DACH2: variants seen among roughly 807,000 people sequenced by gnomAD.
DACH2 encodes the protein dachshund family transcription factor 2, also known as dachshund homolog 2.
A neutral mutation model predicts 35.8 loss-of-function variants in DACH2; 17 were observed. That is an observed-to-expected ratio of 0.48 (90% CI 0.33 to 0.71). The LOEUF is 0.71. Ranked by LOEUF, DACH2 falls within the 30% of genes least tolerant of loss-of-function variation. DACH2 has a pLI of 0.02. For missense variants in DACH2, 469 were observed against 472.7 expected (o/e 0.99, Z 0.07); for synonymous variants, 195 against 177.3 (o/e 1.10, Z -0.79).
chrX:86,715,604 C>T (rs751467906), intron 6 of DACH2, among the ~76,000 whole-genome samples: 36 of 111,676 alleles, frequency 3.2e-4, no homozygotes, highest in African/African-American at 1.0e-3. Flanking sequence ...TTAATAATTA[C>T]ATGCCAGGTT....
chrX:86,313,996 T>C (rs2034849430), intron 1 of DACH2, among the ~76,000 whole-genome samples: 1 of 111,575 alleles, frequency 9.0e-6, no homozygotes, highest in Non-Finnish European at 1.9e-5. Context: ...TCCTCTGTAA[T>C]TGATTTGGAG....
chrX:86,667,230 A>G (rs1281092007), intron 4 of DACH2, among the ~76,000 whole-genome samples: 1 of 97,918 alleles, frequency 1.0e-5, no homozygotes, highest in Non-Finnish European at 2.0e-5. Context: ...CCTGGATGAC[A>G]GAGCAAGACT....
intron 2 of DACH2, among the ~76,000 whole-genome samples, chrX:86,504,289 T>C (rs1438718964): frequency 1.8e-5 from 2 of 110,602 alleles, no homozygotes; most frequent in South Asian, 3.9e-4. Flanking sequence ...GAGTCCACAG[T>C]TTATTTCTGG....
chrX:86,417,896 A>G (rs766179064), intron 2 of DACH2, among the ~76,000 whole-genome samples: 1 of 111,925 alleles, frequency 8.9e-6, no homozygotes, highest in Non-Finnish European at 1.9e-5. Context: ...GCCCATAAAA[A>G]TCAAAAGCAA....
At chrX:86,573,112 G>T (rs1356307382) in intron 3 of DACH2, among the ~76,000 whole-genome samples, 5 of 109,868 alleles carry the variant, frequency 4.6e-5, no homozygotes, top group African/African-American at 1.7e-4. Flanking sequence ...AATGAAAGAA[G>T]CAAAGGAAAG....
chrX:86,379,409 T>G (rs2036014133), intron 2 of DACH2, among the ~76,000 whole-genome samples: 1 of 110,186 alleles, frequency 9.1e-6, no homozygotes, highest in South Asian at 3.8e-4. Context: ...CTACAATGCT[T>G]TTGACATCTG....
chrX:86,398,186 A>G (rs1389954151), intron 2 of DACH2, among the ~76,000 whole-genome samples: 3 of 111,904 alleles, frequency 2.7e-5, no homozygotes, highest in African/African-American at 6.5e-5. Context: ...AGAGATGTTT[A>G]TAGTATTCTC....
intron 2 of DACH2, among the ~76,000 whole-genome samples, chrX:86,413,288 C>G (rs184949580): frequency 8.9e-6 from 1 of 111,970 alleles, no homozygotes; most frequent in African/African-American, 3.2e-5. Context: ...TGATATAACC[C>G]TGAGGTAGGA....
chrX:86,770,788 C>T (rs934761084), intron 7 of DACH2, among the ~76,000 whole-genome samples: 3 of 112,090 alleles, frequency 2.7e-5, no homozygotes, highest in Non-Finnish European at 5.6e-5. Context: ...CAGAACATTC[C>T]TTGAGGACTA....
chrX:86,503,737 A>G (rs747502886), intron 2 of DACH2, among the ~76,000 whole-genome samples: 2 of 112,205 alleles, frequency 1.8e-5, no homozygotes, highest in African/African-American at 6.5e-5. Flanking sequence ...AAGATATGTT[A>G]TAAGTATGGG....
At chrX:86,168,832 A>T (rs2031031117) in intron 1 of DACH2, among the ~76,000 whole-genome samples, 1 of 107,439 alleles carries the variant, frequency 9.3e-6, no homozygotes, top group Non-Finnish European at 1.9e-5. Context: ...TGTTTTTTCT[A>T]TTTATATTTT....
chrX:86,515,787 C>T, intron 3 of DACH2, among the ~76,000 whole-genome samples: 1 of 112,087 alleles, frequency 8.9e-6, no homozygotes, highest in Non-Finnish European at 1.9e-5. Context: ...AAAAGGAGCC[C>T]TTGCTAAGGA....
intron 1 of DACH2, among the ~76,000 whole-genome samples, chrX:86,307,940 G>A (rs752762899): frequency 8.1e-5 from 9 of 111,741 alleles, no homozygotes; most frequent in Non-Finnish European, 1.1e-4. Flanking sequence ...ACTTAATTTT[G>A]CAGCTCAGGG....
At chrX:86,829,454 TG>T (rs1423527548) in intron 11 of DACH2, 1 of 112,559 alleles carries the variant, frequency 8.9e-6, no homozygotes, top group Admixed American at 9.4e-5. Flanking sequence ...TAACTTACCT[TG>T]TTTGAACTAT....
intron 1 of DACH2, among the ~76,000 whole-genome samples, chrX:86,149,785 A>G (rs900297545): frequency 8.9e-6 from 1 of 112,443 alleles, no homozygotes; most frequent in Non-Finnish European, 1.9e-5. Flanking sequence ...CTATTTTTAC[A>G]AAAGGACGAC....
chrX:86,217,426 T>G (rs2032602707), intron 1 of DACH2, among the ~76,000 whole-genome samples: 1 of 111,639 alleles, frequency 9.0e-6, no homozygotes, highest in Non-Finnish European at 1.9e-5. Context: ...GTTAGGGAAG[T>G]AATAAGCATG....
chrX:86,546,367 T>TC (rs2038961078), intron 3 of DACH2, among the ~76,000 whole-genome samples: 1 of 47,628 alleles, frequency 2.1e-5, no homozygotes, highest in African/African-American at 1.2e-4. Flanking sequence ...CTCTTCTTCT[T>TC]CTTCTTCTTC....
intron 1 of DACH2, among the ~76,000 whole-genome samples, chrX:86,330,424 G>A (rs1208251302): frequency 9.0e-6 from 1 of 111,390 alleles, no homozygotes; most frequent in East Asian, 2.8e-4. Context: ...CAGTAAATAT[G>A]AATTCAACTT....
chrX:86,486,487 T>C (rs73631951), intron 2 of DACH2, among the ~76,000 whole-genome samples: 1,296 of 111,035 alleles, frequency 0.012, 20 homozygotes, highest in African/African-American at 0.04. Flanking sequence ...TTTGCCTTTA[T>C]CTAGGTTTGC....
Sources: allele counts gnomAD v4.1 joint callset (sites outside exome capture counted in the v4.1 genomes callset), GRCh38; gene constraint gnomAD v4.1.1; transcripts MANE v1.5; gene names NCBI Gene and HGNC (gene_info 2026-07-23, HGNC 2026-07-21).